HMGCLL1: variants seen among roughly 807,000 people sequenced by gnomAD.
The protein encoded by HMGCLL1 is 3-hydroxy-3-methylglutaryl-CoA lyase like 1, also known as 3-hydroxymethyl-3-methylglutaryl-CoA lyase, cytoplasmic.
Under a neutral mutation model 39.1 loss-of-function variants are expected in HMGCLL1, and 36 were observed. The observed-to-expected ratio is 0.92, with a 90% CI of 0.71 to 1.22. HMGCLL1 has a LOEUF of 1.22. Ranked by LOEUF, HMGCLL1 falls within the 50% of genes most tolerant of loss-of-function variation. The pLI is 0.00. For synonymous variants in HMGCLL1, 149 were observed against 144.0 expected (o/e 1.03, Z -0.25); for missense variants, 451 against 416.5 (o/e 1.08, Z -0.72).
chr6:55,632,477 G>C, the HMGCLL1 span, among the ~76,000 whole-genome samples: 2 of 150,898 alleles, frequency 1.3e-5, no homozygotes, highest in Non-Finnish European at 3.0e-5. Context: ...ATTCATGATT[G>C]GCAGTTTATC....
At chr6:55,556,592 C>T (rs1404230762) in intron 1 of HMGCLL1, among the ~76,000 whole-genome samples, 1 of 152,118 alleles carries the variant, frequency 6.6e-6, no homozygotes. Flanking sequence ...AGATGGAAAG[C>T]CACTAGAGAG....
intron 1 of HMGCLL1, among the ~76,000 whole-genome samples, chr6:55,561,542 T>A (rs1770947061): frequency 6.6e-6 from 1 of 152,104 alleles, no homozygotes; most frequent in South Asian, 2.1e-4. Flanking sequence ...GGTCCATGAA[T>A]TTGCATTTCT....
At chr6:55,622,757 G>C in the HMGCLL1 span, among the ~76,000 whole-genome samples, 2 of 151,906 alleles carry the variant, frequency 1.3e-5, no homozygotes, top group African/African-American at 4.8e-5. Context: ...TTAATATCAG[G>C]GTAATATTTG....
the HMGCLL1 span, among the ~76,000 whole-genome samples, chr6:55,655,344 C>A: frequency 1.3e-5 from 2 of 151,582 alleles, no homozygotes; most frequent in East Asian, 3.9e-4. Context: ...CTCCATCCCC[C>A]TCCTGTTACA....
intron 1 of HMGCLL1, among the ~76,000 whole-genome samples, chr6:55,559,610 G>T (rs545018530): frequency 6.6e-6 from 1 of 152,250 alleles, no homozygotes; most frequent in Non-Finnish European, 1.5e-5. Context: ...ATTCACACTG[G>T]ACTTGAGCAA....
At chr6:55,626,150 C>T in the HMGCLL1 span, among the ~76,000 whole-genome samples, 32 of 152,046 alleles carry the variant, frequency 2.1e-4, no homozygotes, top group African/African-American at 5.6e-4. Context: ...TACCTGATGG[C>T]GTGTTGATTA....
intron 7 of HMGCLL1, among the ~76,000 whole-genome samples, chr6:55,473,931 A>G (rs1210033346): frequency 6.6e-6 from 1 of 151,366 alleles, no homozygotes; most frequent in Admixed American, 6.6e-5. Context: ...ACTTCATTCT[A>G]CTTTCTAGTT....
the HMGCLL1 span, among the ~76,000 whole-genome samples, chr6:55,629,440 C>A: frequency 1.3e-5 from 2 of 152,124 alleles, no homozygotes; most frequent in African/African-American, 4.8e-5. Context: ...GGAAGCAGAG[C>A]ATAAAAGTTC....
chr6:55,612,748 A>G, the HMGCLL1 span, among the ~76,000 whole-genome samples: 1 of 152,200 alleles, frequency 6.6e-6, no homozygotes, highest in South Asian at 2.1e-4. Context: ...GGCTAGCCAT[A>G]TGCAGAAAAC....
At position 55,514,167 on chromosome 6, in the gene HMGCLL1, A is replaced by C; in HGVS notation, c.423T>G (p.Val141=). ...AVAAGATEIS[V]FGAASESFSK... ...TAAAGGATTCAGATGCAGCTCCAAA[A>C]ACTGATATCTCAGTAGCTCCAGCAG... Residue 141 remains valine (V), a synonymous_variant, in exon 5 of 9, where the codon GTT becomes GTG. Coordinates refer to ENST00000274901, the MANE Select transcript of HMGCLL1 (RefSeq NM_001042406.2). 6.2e-7 allele frequency: 1 copy of C among 1,611,172 alleles called. No homozygotes were observed. Among genetic ancestry groups the C allele is most frequent in the Non-Finnish European group, 8.5e-7 (1 of 1,179,040 alleles).
At chr6:55,444,898 A>C (rs541569039) in intron 7 of HMGCLL1, among the ~76,000 whole-genome samples, 8 of 152,140 alleles carry the variant, frequency 5.3e-5, no homozygotes, top group African/African-American at 1.7e-4. Context: ...TACTCTGGCG[A>C]AGGCAGACAT....
At chr6:55,500,063 C>T (rs1044303898) in intron 5 of HMGCLL1, among the ~76,000 whole-genome samples, 1 of 151,940 alleles carries the variant, frequency 6.6e-6, no homozygotes, top group Non-Finnish European at 1.5e-5. Flanking sequence ...ATTTACAATT[C>T]TTGTATTGAA....
chr6:55,535,882 C>T (rs1768989877), intron 3 of HMGCLL1, among the ~76,000 whole-genome samples: 2 of 152,182 alleles, frequency 1.3e-5, no homozygotes, highest in Non-Finnish European at 2.9e-5. Context: ...CCCCTTCGTG[C>T]ACCCTCACAT....
At chr6:55,489,347 C>A (rs1766199262) in intron 7 of HMGCLL1, among the ~76,000 whole-genome samples, 1 of 151,594 alleles carries the variant, frequency 6.6e-6, no homozygotes, top group Non-Finnish European at 1.5e-5. Context: ...GAGACATTTA[C>A]AGAATGGGTA....
intron 5 of HMGCLL1, 27 bp from the exon 6 acceptor site, chr6:55,499,326 T>C (rs1445815853): frequency 6.5e-7 from 1 of 1,528,124 alleles, no homozygotes; most frequent in Non-Finnish European, 8.9e-7. Context: ...GCCTTATAAA[T>C]ATGCATATGG....
intron 1 of HMGCLL1, among the ~76,000 whole-genome samples, chr6:55,562,719 A>T (rs936732638): frequency 1.3e-5 from 2 of 152,158 alleles, no homozygotes; most frequent in African/African-American, 4.8e-5. Context: ...CAAGAGTAGA[A>T]CAGGCTAAGC....
At chr6:55,673,910 T>A in the HMGCLL1 span, among the ~76,000 whole-genome samples, 1 of 152,050 alleles carries the variant, frequency 6.6e-6, no homozygotes, top group South Asian at 2.1e-4. Flanking sequence ...CTTAAGAACA[T>A]TCAGAACTTT....
intron 5 of HMGCLL1, among the ~76,000 whole-genome samples, chr6:55,500,696 A>C (rs1766837643): frequency 6.6e-6 from 1 of 152,014 alleles, no homozygotes; most frequent in Non-Finnish European, 1.5e-5. Flanking sequence ...AATCACTATA[A>C]TCTAAGTTTA....
the HMGCLL1 span, among the ~76,000 whole-genome samples, chr6:55,650,098 T>C: frequency 8.6e-4 from 20 of 23,328 alleles, no homozygotes; most frequent in African/African-American, 1.5e-3. Context: ...TACATATATA[T>C]ATATATATAT....
Sources: gnomAD v4.1 joint callset for allele counts (sites outside exome capture counted in the v4.1 genomes callset) on GRCh38, gnomAD v4.1.1 for gene constraint, MANE v1.5 for transcripts, NCBI Gene and HGNC (gene_info 2026-07-23, HGNC 2026-07-21) for gene names.